Variants in RNF17 observed in about 807,000 individuals in gnomAD.
RNF17 encodes the protein ring finger protein 17, also known as spermatogenesis associated 23.
A neutral mutation model predicts 200.5 loss-of-function variants in RNF17; 31 were observed. The ratio of observed to expected loss-of-function variants is 0.15; its 90% CI spans 0.12 to 0.21. The LOEUF is 0.21. Ranked by LOEUF, RNF17 falls within the 10% of genes least tolerant of loss-of-function variation. RNF17 has a pLI of 1.00. For synonymous variants in RNF17, 606 were observed against 637.8 expected, an observed-to-expected ratio of 0.95 and a Z score of 0.75; for missense variants, 1,628 against 1,905.1, an observed-to-expected ratio of 0.85 and a Z score of 2.71.
intron 10 of RNF17, among the ~76,000 whole-genome samples, chr13:24,794,957 G>A (rs548714250): frequency 3.9e-5 from 6 of 152,268 alleles, no homozygotes; most frequent in South Asian, 2.1e-4. Context: ...GTCCTCAAGC[G>A]ATCCTCCCTC....
At chr13:24,827,451 T>C (rs954290515) in intron 16 of RNF17, among the ~76,000 whole-genome samples, 3 of 152,104 alleles carry the variant, frequency 2.0e-5, no homozygotes, top group African/African-American at 7.2e-5. Flanking sequence ...GTGGTTCTTA[T>C]GAATGTCTTA....
At chr13:24,817,587 TG>T (rs1887554310) in intron 15 of RNF17, among the ~76,000 whole-genome samples, 1 of 151,800 alleles carries the variant, frequency 6.6e-6, no homozygotes, top group South Asian at 2.1e-4. Context: ...GCTGTGGTGG[TG>T]GGCACCTGTA....
At chr13:24,784,491 G>A (rs1882834302) in intron 6 of RNF17, among the ~76,000 whole-genome samples, 1 of 151,982 alleles carries the variant, frequency 6.6e-6, no homozygotes, top group African/African-American at 2.4e-5. Flanking sequence ...TTGTTGGGAG[G>A]TTTTTTGATT....
chr13:24,790,046 T>C (rs2137630172), intron 9 of RNF17, among the ~76,000 whole-genome samples: 1 of 152,186 alleles, frequency 6.6e-6, no homozygotes, highest in African/African-American at 2.4e-5. Flanking sequence ...GAGATAAATG[T>C]CCGAGAAATT....
At chr13:24,765,261 C>T (rs1206978789) in intron 1 of RNF17, among the ~76,000 whole-genome samples, 4 of 152,014 alleles carry the variant, frequency 2.6e-5, no homozygotes, top group African/African-American at 9.7e-5. Context: ...GTGATCCGCC[C>T]GTCTTGGCCT....
At chr13:24,836,109 A>T (rs1340620876) in intron 18 of RNF17, among the ~76,000 whole-genome samples, 5 of 152,212 alleles carry the variant, frequency 3.3e-5, no homozygotes. Flanking sequence ...AAGACAAGGA[A>T]AAAAGAAAAT....
downstream of RNF17, chr13:24,884,260 A>C (rs201781466): frequency 6.2e-7 from 1 of 1,614,058 alleles, no homozygotes; most frequent in Non-Finnish European, 8.5e-7. Flanking sequence ...AAAGACACAC[A>C]GTCAGTCTGC....
At chr13:24,880,045 A>G (rs574974217), downstream of RNF17, 1 of 152,314 alleles carries the variant, frequency 6.6e-6, no homozygotes, top group South Asian at 2.1e-4. Flanking sequence ...GCTTCTCCCA[A>G]ACACATTCCC....
chr13:24,823,593 T>G lies in RNF17; in HGVS notation c.2092-2026T>G, dbSNP rs151132460. Among the ~76,000 whole-genome samples, 4 of 152,122 alleles carry G rather than the reference T, an allele frequency of 2.6e-5. No homozygotes were observed. The East Asian group carries it at 7.7e-4, about 29-fold the overall frequency. ...TTTCCTAGACTTTGTGGACTAGCTCTTTGGTGGGCACTTCTTCACCATTTA... is the reference window on the plus strand; with the variant it reads ...TTTCCTAGACTTTGTGGACTAGCTCGTTGGTGGGCACTTCTTCACCATTTA... On this transcript the variant is annotated intron_variant, in intron 15 of 35. Transcript: ENST00000255324.
chr13:24,869,711 A>G (rs1658914967), intron 31 of RNF17, among the ~76,000 whole-genome samples: 1 of 152,172 alleles, frequency 6.6e-6, no homozygotes. Flanking sequence ...CAGAAGCTAC[A>G]TGTCCTTGTA....
At position 24,800,377 on chromosome 13, in the gene RNF17, C is replaced by T. The variant is rs201005896; in HGVS notation, c.1601C>T (p.Thr534Ile). The T allele has an allele frequency of 3.1e-5, 49 of 1,588,250 alleles. No homozygotes were observed. In the African/African-American group the frequency reaches 4.8e-4, roughly 16 times the overall value. The change falls in exon 13 of 36, where the codon ACC (threonine) becomes ATC (isoleucine). Residue 534 changes from threonine (T) to isoleucine (I), a missense_variant. Transcript: ENST00000255324. ...TGAATTTCTCCTAGAGTTGTTGATA[C>T]CCATGTGAGACCAGAACACTCTGCT... ...EVLIVTGVVD[T>I]HVRPEHSAKQ...
At chr13:24,791,949 T>C (rs1469091564) in intron 9 of RNF17, among the ~76,000 whole-genome samples, 3 of 152,186 alleles carry the variant, frequency 2.0e-5, no homozygotes, top group Admixed American at 6.5e-5. Context: ...TAGGCTAAGA[T>C]AGCTGATTAG....
At chr13:24,779,254 T>C (rs1882023615) in intron 4 of RNF17, among the ~76,000 whole-genome samples, 1 of 152,162 alleles carries the variant, frequency 6.6e-6, no homozygotes, top group Admixed American at 6.5e-5. Flanking sequence ...AGAAAGCACT[T>C]AATCTTGCTG....
chr13:24,779,910 G>A (rs977763210), intron 5 of RNF17, among the ~76,000 whole-genome samples, 163 bp downstream of exon 5: 1 of 152,136 alleles, frequency 6.6e-6, no homozygotes, highest in African/African-American at 2.4e-5. Context: ...TGCCAAGATT[G>A]GTCTTGTAAC....
At chr13:24,881,109 T>G (rs1953801755), downstream of RNF17, among the ~76,000 whole-genome samples, 1 of 152,162 alleles carries the variant, frequency 6.6e-6, no homozygotes, top group African/African-American at 2.4e-5. Flanking sequence ...TTTCCCCTGT[T>G]TTGTAATATC....
intron 1 of RNF17, among the ~76,000 whole-genome samples, chr13:24,764,785 T>C (rs1879348836): frequency 6.6e-6 from 1 of 152,148 alleles, no homozygotes; most frequent in Admixed American, 6.6e-5. Flanking sequence ...TGTTAGCATT[T>C]TGTTGTTTCT....
intron 18 of RNF17, among the ~76,000 whole-genome samples, chr13:24,837,635 C>G (rs781105696): frequency 3.9e-5 from 6 of 152,146 alleles, no homozygotes; most frequent in Non-Finnish European, 7.4e-5. Context: ...TTAAAAATTT[C>G]TTCAAACTGA....
chr13:24,849,538 C>T (rs1891622042), intron 22 of RNF17, among the ~76,000 whole-genome samples: 1 of 152,164 alleles, frequency 6.6e-6, no homozygotes, highest in Non-Finnish European at 1.5e-5. Flanking sequence ...CCCAGGGAAG[C>T]CAAAAGATTG....
chr13:24,864,832 GGA>G (rs1442991063), intron 28 of RNF17, 39 bp from the exon 29 acceptor site: 22 of 1,386,396 alleles, frequency 1.6e-5, no homozygotes, highest in Non-Finnish European at 2.2e-5. Flanking sequence ...GTCATCAAGT[GGA>G]GTTTATTTTT....
Sources: allele counts gnomAD v4.1 joint callset (sites outside exome capture counted in the v4.1 genomes callset), GRCh38; gene constraint gnomAD v4.1.1; transcripts MANE v1.5; gene names NCBI Gene and HGNC (gene_info 2026-07-23, HGNC 2026-07-21).